Variants in GRID2 observed in about 807,000 individuals in gnomAD.
GRID2 encodes glutamate ionotropic receptor delta type subunit 2, also known as glutamate receptor ionotropic, delta-2.
Under a neutral mutation model 114.8 loss-of-function variants are expected in GRID2, and 33 were observed. That is an observed-to-expected ratio of 0.29 (90% CI 0.22 to 0.38). GRID2 has a LOEUF of 0.38. Ranked by LOEUF, GRID2 falls within the 10% of genes least tolerant of loss-of-function variation. GRID2 has a pLI of 1.00. For missense variants in GRID2, 1,184 were observed against 1,257.7 expected, an observed-to-expected ratio of 0.94 and a Z score of 0.89; for synonymous variants, 505 against 449.9, an observed-to-expected ratio of 1.12 and a Z score of -1.55.
At chr4:93,298,983 A>T (rs1274192492) in intron 8 of GRID2, among the ~76,000 whole-genome samples, 2 of 152,258 alleles carry the variant, frequency 1.3e-5, no homozygotes, top group East Asian at 3.8e-4. Context: ...TCTTAATGAA[A>T]TAGGCTAAAA....
At chr4:93,113,933 G>A (rs1387629599) in intron 4 of GRID2, among the ~76,000 whole-genome samples, 3 of 152,152 alleles carry the variant, frequency 2.0e-5, no homozygotes, top group Non-Finnish European at 4.4e-5. Context: ...GCTAGGGAAG[G>A]AATGGGTAGA....
chr4:92,456,390 A>G (rs1233603732), intron 1 of GRID2, among the ~76,000 whole-genome samples: 2 of 152,058 alleles, frequency 1.3e-5, no homozygotes, highest in Non-Finnish European at 2.9e-5. Flanking sequence ...AAAATATTGA[A>G]TGGTTTATAT....
At chr4:93,733,780 C>T (rs1335876169) in intron 14 of GRID2, among the ~76,000 whole-genome samples, 2 of 152,076 alleles carry the variant, frequency 1.3e-5, no homozygotes, top group Non-Finnish European at 2.9e-5. Flanking sequence ...GCTAATGACA[C>T]TAATATTAGG....
intron 2 of GRID2, among the ~76,000 whole-genome samples, chr4:92,929,451 C>T (rs1280575524): frequency 2.0e-5 from 3 of 150,884 alleles, no homozygotes; most frequent in African/African-American, 7.3e-5. Context: ...AGTAATTTTT[C>T]TAGTTGTTAG....
chr4:93,314,563 G>T (rs950338739), intron 8 of GRID2, among the ~76,000 whole-genome samples: 6 of 151,998 alleles, frequency 3.9e-5, no homozygotes, highest in Admixed American at 3.3e-4. Context: ...GGCTAACTCT[G>T]TTAGCTCTTT....
In GRID2 at chr4:93,100,765, G is replaced by C. The variant is rs1211143390; in HGVS notation, c.530-9983G>C. 3.3e-5 allele frequency among the ~76,000 whole-genome samples: 5 copies of C among 152,128 alleles called. No homozygotes were observed. The South Asian group carries it at 8.3e-4, about 25-fold the overall frequency. On this transcript the variant is annotated intron_variant, in intron 3 of 15. Coordinates refer to ENST00000282020, the MANE Select transcript of GRID2 (RefSeq NM_001510.4). ...ATTAAATGTGCCTAATCTACACAGA[G>C]GAGGAAGAAATGAGTAGAGGAAAAA...
chr4:93,686,101 A>G (rs1255749764), intron 14 of GRID2, among the ~76,000 whole-genome samples: 1 of 152,006 alleles, frequency 6.6e-6, no homozygotes. Context: ...CTATCTAAAA[A>G]TGAACTCTCT....
chr4:92,470,799 A>G (rs1032857943), intron 1 of GRID2, among the ~76,000 whole-genome samples: 9 of 152,016 alleles, frequency 5.9e-5, no homozygotes, highest in Non-Finnish European at 1.3e-4. Flanking sequence ...GACTCATAAT[A>G]CATAGTCATT....
chr4:93,280,712 T>A (rs1752558741), intron 8 of GRID2, among the ~76,000 whole-genome samples: 1 of 151,988 alleles, frequency 6.6e-6, no homozygotes, highest in South Asian at 2.1e-4. Flanking sequence ...ACAGATTATG[T>A]AACAGTCAAC....
intron 2 of GRID2, among the ~76,000 whole-genome samples, chr4:92,799,121 A>G (rs915796342): frequency 5.9e-5 from 9 of 151,970 alleles, no homozygotes; most frequent in African/African-American, 2.2e-4. Flanking sequence ...ATAATGTAGA[A>G]TCACTGGGAG....
chr4:92,968,076 ATT>A (rs1402478713), intron 2 of GRID2, among the ~76,000 whole-genome samples: 3 of 151,818 alleles, frequency 2.0e-5, no homozygotes, highest in African/African-American at 7.3e-5. Flanking sequence ...TTGGAGTATA[ATT>A]TATCAGTGCC....
intron 2 of GRID2, among the ~76,000 whole-genome samples, chr4:92,614,356 G>A (rs1438658951): frequency 2.6e-5 from 4 of 151,378 alleles, no homozygotes; most frequent in African/African-American, 9.7e-5. Flanking sequence ...CAATAAAGTC[G>A]TTTAAAGCCA....
At chr4:92,744,808 A>G (rs921985646) in intron 2 of GRID2, among the ~76,000 whole-genome samples, 7 of 152,174 alleles carry the variant, frequency 4.6e-5, no homozygotes, top group Non-Finnish European at 1.0e-4. Context: ...ATGTTTTGTA[A>G]ATCGTTATTT....
intron 11 of GRID2, among the ~76,000 whole-genome samples, chr4:93,457,130 C>T (rs1464339890): frequency 1.3e-5 from 2 of 152,078 alleles, no homozygotes; most frequent in African/African-American, 4.8e-5. Context: ...TAATGAGACA[C>T]AAACATGTAA....
chr4:93,261,754 C>A (rs1347767012), intron 8 of GRID2, among the ~76,000 whole-genome samples: 2 of 151,768 alleles, frequency 1.3e-5, no homozygotes, highest in Non-Finnish European at 2.9e-5. Context: ...AGCTGACTAA[C>A]CATCTAGCCG....
chr4:93,106,667 G>T (rs547875438), intron 3 of GRID2, among the ~76,000 whole-genome samples: 1 of 152,268 alleles, frequency 6.6e-6, no homozygotes, highest in Admixed American at 6.5e-5. Context: ...CTCATAAAGA[G>T]CATGGCTCTG....
At chr4:93,110,084 G>GA (rs1732622480) in intron 3 of GRID2, among the ~76,000 whole-genome samples, 1 of 152,002 alleles carries the variant, frequency 6.6e-6, no homozygotes. Context: ...AATATGTTTT[G>GA]AAAAAATATG....
chr4:93,806,219 A>C (rs1176667789), intron 1 of GRID2, among the ~76,000 whole-genome samples: 2 of 152,236 alleles, frequency 1.3e-5, no homozygotes, highest in Admixed American at 6.5e-5. Context: ...ATTAATTGTT[A>C]GTGTTTTTAA....
rs930735304 is a variant in GRID2 at position 93,003,262 on chromosome 4, G to A, written c.245-81733G>A. On this transcript the variant is annotated intron_variant, in intron 2 of 15. Transcript: ENST00000282020. ...TATTCTCAAAGGGCAGATTTTACAGGGCAATTTTTTGAAAAATAAAACTTG... is the reference window on the plus strand; with the variant it reads ...TATTCTCAAAGGGCAGATTTTACAGAGCAATTTTTTGAAAAATAAAACTTG... Among the ~76,000 whole-genome samples, 3 of 151,660 alleles carry A rather than the reference G, an allele frequency of 2.0e-5. No individual in the cohort carries two copies. In the East Asian group the frequency reaches 5.8e-4, roughly 29 times the overall value.
Sources: gnomAD v4.1 joint callset for allele counts (sites outside exome capture counted in the v4.1 genomes callset) on GRCh38, gnomAD v4.1.1 for gene constraint, MANE v1.5 for transcripts, NCBI Gene and HGNC (gene_info 2026-07-23, HGNC 2026-07-21) for gene names.